The following TESK2 variants were observed in gnomAD, a reference collection of about 807,000 sequenced individuals.
TESK2 encodes the protein dual specificity testis-specific protein kinase 2.
A neutral mutation model predicts 57.1 loss-of-function variants in TESK2; 39 were observed. That is an observed-to-expected ratio of 0.68 (90% confidence interval 0.53 to 0.89). The LOEUF (loss-of-function observed/expected upper bound fraction) is 0.89. Ranked by LOEUF, TESK2 falls within the 40% of genes least tolerant of loss-of-function variation. The pLI, the probability that TESK2 is intolerant of heterozygous loss-of-function variation, is 0.00. For missense variants in TESK2, 646 were observed against 732.1 expected, an observed-to-expected ratio of 0.88 and a Z score of 1.36; for synonymous variants, 249 against 267.9, an observed-to-expected ratio of 0.93 and a Z score of 0.69.
intron 1 of TESK2, among the ~76,000 whole-genome samples, chr1:45,465,461 G>A (rs1022576276): frequency 6.7e-6 from 1 of 149,856 alleles, no homozygotes. Context: ...TGGAAGGAAG[G>A]AAGGAAGGAA....
intron 3 of TESK2, among the ~76,000 whole-genome samples, chr1:45,399,894 A>G (rs1649529238): frequency 6.6e-6 from 1 of 152,206 alleles, no homozygotes; most frequent in South Asian, 2.1e-4. Flanking sequence ...TGATAAAAAG[A>G]GAAATTTCAT....
At chr1:45,429,792 T>C (rs1018293570) in intron 2 of TESK2, among the ~76,000 whole-genome samples, 1 of 152,236 alleles carries the variant, frequency 6.6e-6, no homozygotes, top group Non-Finnish European at 1.5e-5. Flanking sequence ...GTCCCTCCGC[T>C]TTAACTCTTA....
intron 1 of TESK2, among the ~76,000 whole-genome samples, chr1:45,484,976 A>G (rs1190005590): frequency 2.0e-5 from 3 of 151,450 alleles, no homozygotes; most frequent in Non-Finnish European, 2.9e-5. Flanking sequence ...GCTTGCAGTG[A>G]GCCGAGATCG....
At chr1:45,430,928 G>A (rs1405340303) in intron 2 of TESK2, among the ~76,000 whole-genome samples, 1 of 152,170 alleles carries the variant, frequency 6.6e-6, no homozygotes, top group Non-Finnish European at 1.5e-5. Context: ...AAATTCTGGA[G>A]ATAATCCTCC....
intron 1 of TESK2, among the ~76,000 whole-genome samples, chr1:45,478,115 A>C (rs1653073945): frequency 6.6e-6 from 1 of 152,160 alleles, no homozygotes; most frequent in Non-Finnish European, 1.5e-5. Context: ...CCATTCCTCT[A>C]TCTGCAGTCA....
At chr1:45,467,430 C>T (rs1000726860) in intron 1 of TESK2, among the ~76,000 whole-genome samples, 2 of 151,914 alleles carry the variant, frequency 1.3e-5, no homozygotes, top group Non-Finnish European at 2.9e-5. Flanking sequence ...CCACAACCTC[C>T]GCCTCCCAGG....
At chr1:45,371,226 T>C (rs904390625) in intron 4 of TESK2, among the ~76,000 whole-genome samples, 1 of 152,152 alleles carries the variant, frequency 6.6e-6, no homozygotes, top group Non-Finnish European at 1.5e-5. Flanking sequence ...ATAGAACTAC[T>C]ATATGGTCCA....
chr1:45,452,869 G>C (rs530040468), intron 2 of TESK2, among the ~76,000 whole-genome samples: 51 of 152,182 alleles, frequency 3.4e-4, no homozygotes, highest in African/African-American at 1.0e-3. Flanking sequence ...CTGGGCAACA[G>C]AGCAAGACTC....
intron 2 of TESK2, among the ~76,000 whole-genome samples, chr1:45,440,273 T>C (rs1174477566): frequency 6.6e-6 from 1 of 151,978 alleles, no homozygotes; most frequent in Non-Finnish European, 1.5e-5. Flanking sequence ...AAAAAAGGTA[T>C]CATTGCTCCA....
chr1:45,445,387 T>G (rs1447900284), intron 2 of TESK2, among the ~76,000 whole-genome samples: 3 of 152,098 alleles, frequency 2.0e-5, no homozygotes, highest in African/African-American at 7.2e-5. Flanking sequence ...TGTTCTCAAT[T>G]TATTGGCTTT....
chr1:45,368,539 A>G (rs1648044266), intron 4 of TESK2, among the ~76,000 whole-genome samples: 1 of 150,456 alleles, frequency 6.6e-6, no homozygotes, highest in African/African-American at 2.5e-5. Flanking sequence ...ACGCCCGGCT[A>G]ATTTTTGTAT....
At chr1:45,404,016 C>G (rs1474756743) in intron 3 of TESK2, among the ~76,000 whole-genome samples, 1 of 152,026 alleles carries the variant, frequency 6.6e-6, no homozygotes. Context: ...TCCACAAACT[C>G]AAGTATTTAA....
At chr1:45,353,194 G>A (rs1008693443) in intron 5 of TESK2, among the ~76,000 whole-genome samples, 5 of 152,126 alleles carry the variant, frequency 3.3e-5, no homozygotes, top group South Asian at 2.1e-4. Context: ...CACCATGCCC[G>A]GCCTGCACTT....
chr1:45,417,392 C>T lies in TESK2; in HGVS notation c.344+4333G>A, dbSNP rs551019750. Among the ~76,000 whole-genome samples, 6 of 151,662 alleles carry T rather than the reference C, an allele frequency of 4.0e-5. No individual in the cohort carries two copies. In the Middle Eastern group the frequency reaches 0.01, roughly 258 times the overall value. ...GGTTACAGGCATGCACCACCACACCCGGCTAATTTTATATTTTTTAGTAGA... is the reference window on the plus strand; with the variant it reads ...GGTTACAGGCATGCACCACCACACCTGGCTAATTTTATATTTTTTAGTAGA... On this transcript the variant is annotated intron_variant, in intron 3 of 10. Transcript: ENST00000372086.
intron 2 of TESK2, among the ~76,000 whole-genome samples, chr1:45,445,787 C>A (rs1651621628): frequency 6.6e-6 from 1 of 151,784 alleles, no homozygotes; most frequent in Admixed American, 6.6e-5. Context: ...AGAGCAAGAC[C>A]CTGTCTCCAA....
At chr1:45,376,377 G>C (rs1446894339) in intron 4 of TESK2, among the ~76,000 whole-genome samples, 1 of 138,298 alleles carries the variant, frequency 7.2e-6, no homozygotes, top group East Asian at 2.2e-4. Flanking sequence ...CACCACGTCT[G>C]GCTAATTTTT....
chr1:45,479,641 A>G (rs1263430227), intron 1 of TESK2, among the ~76,000 whole-genome samples: 1 of 151,864 alleles, frequency 6.6e-6, no homozygotes, highest in Non-Finnish European at 1.5e-5. Context: ...AGAGGAAGAG[A>G]GAATAGCCTC....
At chr1:45,354,091 G>T (rs1043547215) in intron 5 of TESK2, among the ~76,000 whole-genome samples, 1 of 152,166 alleles carries the variant, frequency 6.6e-6, no homozygotes, top group Admixed American at 6.5e-5. Flanking sequence ...CCCCTATACT[G>T]CCTTGACTGC....
intron 4 of TESK2, among the ~76,000 whole-genome samples, chr1:45,384,377 A>ATCTGTCTG (rs1484512971): frequency 0.018 from 2,519 of 138,898 alleles, 21 homozygotes; most frequent in Non-Finnish European, 0.023. Context: ...CTATCTATCT[A>ATCTGTCTG]TCTATCTATC....
Sources: allele counts gnomAD v4.1 joint callset (sites outside exome capture counted in the v4.1 genomes callset), GRCh38; gene constraint gnomAD v4.1.1; transcripts MANE v1.5; gene names NCBI Gene and HGNC (gene_info 2026-07-23, HGNC 2026-07-21).